Variants in PRORP observed in about 807,000 individuals in gnomAD.
The protein encoded by PRORP is protein only RNase P catalytic subunit.
Under a neutral mutation model 59.4 loss-of-function variants are expected in PRORP, and 51 were observed. The observed-to-expected ratio is 0.86, with a 90% CI of 0.69 to 1.08. The LOEUF (loss-of-function observed/expected upper bound fraction) is 1.08. Among genes scored for constraint, PRORP ranks in the 50% least tolerant of loss-of-function variants. The probability of loss-of-function intolerance (pLI) is 0.00; values close to 1 mark genes in which losing one functional copy is unlikely to be tolerated. For missense variants in PRORP, 646 were observed against 690.3 expected (o/e 0.94, Z 0.72); for synonymous variants, 231 against 245.6 (o/e 0.94, Z 0.55).
intron 5 of PRORP, among the ~76,000 whole-genome samples, chr14:35,232,767 G>T (rs2050114063): frequency 6.6e-6 from 1 of 152,050 alleles, no homozygotes; most frequent in Non-Finnish European, 1.5e-5. Context: ...CCACCTCCCA[G>T]GTTCAAGTGA....
At chr14:35,128,279 T>TG (rs149643128) in intron 4 of PRORP, among the ~76,000 whole-genome samples, 5 of 117,690 alleles carry the variant, frequency 4.2e-5, no homozygotes, top group East Asian at 2.2e-4. Flanking sequence ...TAGTTTTTTG[T>TG]TTTTTTTTTG....
At chr14:35,121,958 A>C (rs765728725), upstream of PRORP, 1 of 1,614,150 alleles carries the variant, frequency 6.2e-7, no homozygotes, top group South Asian at 1.1e-5. Context: ...TTTCCAGTCC[A>C]TGGCCGACTT....
chr14:35,232,664 C>A (rs182269014), intron 5 of PRORP, among the ~76,000 whole-genome samples: 1 of 152,052 alleles, frequency 6.6e-6, no homozygotes, highest in African/African-American at 2.4e-5. Context: ...ACTGTTTCTA[C>A]CATTCCTTCT....
intron 5 of PRORP, among the ~76,000 whole-genome samples, chr14:35,254,053 TC>T (rs200722259): frequency 0.01 from 1,550 of 150,374 alleles, 34 homozygotes; most frequent in African/African-American, 0.035. Context: ...GCCTACTAGA[TC>T]TCTCCCACCT....
intron 5 of PRORP, among the ~76,000 whole-genome samples, chr14:35,182,495 A>G (rs546928911): frequency 7.9e-5 from 12 of 152,018 alleles, no homozygotes; most frequent in African/African-American, 2.9e-4. Flanking sequence ...AAATGCAAAA[A>G]TTAGCCGGGT....
chr14:35,246,083 T>A (rs1322220750), intron 5 of PRORP, among the ~76,000 whole-genome samples: 3 of 152,192 alleles, frequency 2.0e-5, no homozygotes, highest in Non-Finnish European at 1.5e-5. Context: ...TCTGGCTCCT[T>A]ATCTTTTGTA....
upstream of PRORP, chr14:35,121,843 C>T (rs45508403): frequency 8.2e-6 from 13 of 1,584,004 alleles, no homozygotes; most frequent in African/African-American, 4.0e-5. Context: ...CCACCTCCCC[C>T]CTACCTCTAG....
chr14:35,187,012 C>G (rs868611827), intron 5 of PRORP, among the ~76,000 whole-genome samples: 1 of 152,158 alleles, frequency 6.6e-6, no homozygotes, highest in Non-Finnish European at 1.5e-5. Flanking sequence ...ATTGCCAAAT[C>G]GTGTTCCATT....
chr14:35,217,161 A>AT (rs1356634414), intron 5 of PRORP, among the ~76,000 whole-genome samples: 10 of 151,280 alleles, frequency 6.6e-5, no homozygotes, highest in Non-Finnish European at 5.9e-5. Flanking sequence ...TGTCCAATCT[A>AT]TTTTTTTTCT....
intron 5 of PRORP, among the ~76,000 whole-genome samples, chr14:35,182,940 T>C (rs1252424940): frequency 1.3e-5 from 2 of 152,202 alleles, no homozygotes; most frequent in Non-Finnish European, 2.9e-5. Context: ...TATTGCATTA[T>C]TGGTGAGCAG....
chr14:35,164,788 A>G (rs2048142759), intron 4 of PRORP, among the ~76,000 whole-genome samples: 1 of 152,150 alleles, frequency 6.6e-6, no homozygotes, highest in Non-Finnish European at 1.5e-5. Flanking sequence ...AAAAAAGAAA[A>G]ATCCTTCATT....
At chr14:35,196,477 A>T (rs1398467796) in intron 5 of PRORP, among the ~76,000 whole-genome samples, 3 of 152,208 alleles carry the variant, frequency 2.0e-5, no homozygotes, top group African/African-American at 7.2e-5. Context: ...ATCCTGGGTA[A>T]CAGAGTGAGA....
At chr14:35,235,302 TG>T in intron 5 of PRORP, 1 of 690,634 alleles carries the variant, frequency 1.4e-6, no homozygotes. Context: ...TCATTGTAAT[TG>T]GTCCTGATAG....
chr14:35,130,062 G>A (rs865882808), intron 4 of PRORP, among the ~76,000 whole-genome samples: 17 of 138,510 alleles, frequency 1.2e-4, no homozygotes, highest in Admixed American at 2.3e-4. Context: ...ACGGAGTCTC[G>A]CTCTGTTGCC....
At chr14:35,152,642 C>T (rs1317536507) in intron 4 of PRORP, among the ~76,000 whole-genome samples, 1 of 151,728 alleles carries the variant, frequency 6.6e-6, no homozygotes, top group Non-Finnish European at 1.5e-5. Flanking sequence ...GACAGGGCGG[C>T]TGCCTGGCGG....
At chr14:35,222,099 CT>C (rs1338495080) in intron 5 of PRORP, 1 of 130,630 alleles carries the variant, frequency 7.7e-6, no homozygotes, top group Admixed American at 8.5e-5. Context: ...CACAAAAATA[CT>C]TTCTGTTATC....
rs1159810585 is a variant in PRORP at position 35,274,334 on chromosome 14, T to G, written c.*768T>G. On this transcript the variant is annotated 3_prime_UTR_variant, in exon 8 of 8. Transcript: ENST00000534898. ...TGGCTAATTTTTTTTTTTTTTTTTG[T>G]AGAGATGGCTGTCTCACTCTGTTGA... is the stretch of plus-strand genomic sequence containing the variant. 6.7e-6 allele frequency: 1 copy of G among 149,772 alleles called. No individual in the cohort carries two copies. Among genetic ancestry groups the G allele is most frequent in the East Asian group, 2.0e-4 (1 of 5,112 alleles). 9.3% of individuals were successfully genotyped at this position (149,772 alleles called of 1,614,324 possible). A position where few individuals can be genotyped will look rare whatever the true frequency, so the allele number is the denominator to read the frequency against.
chr14:35,216,177 G>A (rs944955980), intron 5 of PRORP, among the ~76,000 whole-genome samples: 2 of 99,478 alleles, frequency 2.0e-5, no homozygotes, highest in Admixed American at 1.2e-4. Context: ...GAAGGAGAGA[G>A]AGAGATAGTT....
rs1268034343 is a variant in PRORP, at chr14:35,277,530, A to G, written c.*3964A>G. On this transcript the variant is annotated 3_prime_UTR_variant, in exon 8 of 8. Transcript: ENST00000534898. The stretch of plus-strand genomic sequence containing the variant: ...CAAAGGAAGTTCCATTTAGAGCTCT[A>G]CAGAGGGGAAGCCATAGAAATTAAC... 1 of 152,232 alleles carries G rather than the reference A, an allele frequency of 6.6e-6. No homozygotes were observed. The allele number at this position is 152,232 out of a possible 1,614,324, so 9.4% of individuals were successfully genotyped here. A position where few individuals can be genotyped will look rare whatever the true frequency, so the allele number is the denominator to read the frequency against.
Sources: allele counts gnomAD v4.1 joint callset (sites outside exome capture counted in the v4.1 genomes callset), GRCh38; gene constraint gnomAD v4.1.1; transcripts MANE v1.5; gene names NCBI Gene and HGNC (gene_info 2026-07-23, HGNC 2026-07-21).